HAUS6: variants seen among roughly 807,000 people sequenced by gnomAD.
HAUS6 encodes HAUS augmin-like complex subunit 6.
In HAUS6, 80 loss-of-function variants were observed where a neutral mutation model predicts 106.8. That is an observed-to-expected ratio of 0.75 (90% CI 0.63 to 0.90). The LOEUF is 0.90. Among genes scored for constraint, HAUS6 ranks in the 40% least tolerant of loss-of-function variants. The pLI is 0.00. For missense variants in HAUS6, 1,155 were observed against 1,118.1 expected (o/e 1.03, Z -0.47); for synonymous variants, 356 against 379.1 (o/e 0.94, Z 0.71).
chr9:19,093,635 G>A (rs1016391509), intron 3 of HAUS6, among the ~76,000 whole-genome samples: 7 of 152,156 alleles, frequency 4.6e-5, no homozygotes, highest in South Asian at 4.1e-4. Context: ...TTGGGAGGCC[G>A]AGGCAGACGG....
intron 12 of HAUS6, among the ~76,000 whole-genome samples, chr9:19,069,708 AC>A (rs1225814497): frequency 6.6e-6 from 1 of 152,146 alleles, no homozygotes; most frequent in Admixed American, 6.6e-5. Context: ...TCAAAAAAAA[AC>A]AAAAGGCAAA....
At chr9:19,093,052 G>T (rs1479460185) in intron 4 of HAUS6, 119 bp downstream of exon 4, 2 of 698,722 alleles carry the variant, frequency 2.9e-6, no homozygotes, top group South Asian at 2.2e-5. Flanking sequence ...TCCTTTTTGG[G>T]GTACATTAAT....
chr9:19,089,315 G>A, intron 5 of HAUS6, 97 bp downstream of exon 5: 1 of 760,786 alleles, frequency 1.3e-6, no homozygotes. Flanking sequence ...AACCGCCAAG[G>A]TTTTCAGGTA....
intron 12 of HAUS6, among the ~76,000 whole-genome samples, chr9:19,067,824 T>C (rs1489469274): frequency 2.6e-5 from 4 of 152,004 alleles, no homozygotes; most frequent in Admixed American, 6.6e-5. Flanking sequence ...AAGTAAGTAG[T>C]TGGGATTATA....
intron 1 of HAUS6, among the ~76,000 whole-genome samples, chr9:19,097,225 G>T (rs1817883584): frequency 6.6e-6 from 1 of 152,118 alleles, no homozygotes; most frequent in African/African-American, 2.4e-5. Context: ...AAAAGCAATG[G>T]CAACAAAAGC....
chr9:19,073,952 A>C (rs796341312), intron 11 of HAUS6: 1 of 152,182 alleles, frequency 6.6e-6, no homozygotes, highest in East Asian at 1.9e-4. Flanking sequence ...TTTAAGTTAA[A>C]ATTTAAGAAA....
At chr9:19,056,802 T>G (rs1007853144) in intron 16 of HAUS6, 2 of 163,622 alleles carry the variant, frequency 1.2e-5, no homozygotes, top group African/African-American at 4.8e-5. Context: ...AGTCTCCCTG[T>G]GTTGCTGAGG....
intron 12 of HAUS6, among the ~76,000 whole-genome samples, chr9:19,065,828 C>A (rs1180961348): frequency 6.6e-6 from 1 of 151,900 alleles, no homozygotes; most frequent in African/African-American, 2.4e-5. Context: ...GCAACAGGAA[C>A]GAAACTCCGC....
chr9:19,058,056 T>C lies in HAUS6; in HGVS notation c.2711A>G (p.Lys904Arg). 5.0e-6 allele frequency: 8 copies of C among 1,613,804 alleles called. No individual in the cohort carries two copies. The highest frequency in any genetic ancestry group is 6.8e-6 in the Non-Finnish European group (8 of 1,179,634). ...CTTAATTAGTGGTGAAAGAGACCGTTTTCTTTCACCGATGGACGTGCGTAA... is the reference window on the plus strand; with the variant it reads ...CTTAATTAGTGGTGAAAGAGACCGTCTTCTTTCACCGATGGACGTGCGTAA... The part of the protein sequence containing the change: ...PSLRTSIGER[K>R]RSLSPLIKFS... The change falls in exon 16 of 17, where the codon AAA (lysine) becomes AGA (arginine). Residue 904 changes from lysine (K) to arginine (R), a missense_variant. This residue lies in a region of HAUS6 where 380 missense variants were observed against 394.8 expected (regional missense o/e 0.96). Coordinates refer to ENST00000380502, the MANE Select transcript of HAUS6 (RefSeq NM_017645.5).
At chr9:19,086,415 G>A (rs1326006891) in intron 7 of HAUS6, among the ~76,000 whole-genome samples, 2 of 152,120 alleles carry the variant, frequency 1.3e-5, no homozygotes, top group African/African-American at 4.8e-5. Flanking sequence ...GAGCTCAAGA[G>A]TTCAAGACCA....
In HAUS6 at chr9:19,080,709, T is replaced by C. The variant is rs201141251; in HGVS notation, c.871-37A>G. 232 of 1,198,996 alleles carry C rather than the reference T, an allele frequency of 1.9e-4. 2 individuals are homozygous for C. In the East Asian group the frequency reaches 2.9e-3, roughly 15 times the overall value. The allele number at this position is 1,198,996 out of a possible 1,614,324, so 74.3% of individuals were successfully genotyped here. ...GGAGGAGAAAAAAATTGGTGAACTA[T>C]AGGTTGTTACAACAAACTATTACAT... On this transcript the variant is annotated intron_variant, in intron 8 of 16. Transcript: ENST00000380502.
chr9:19,092,325 G>T (rs1484440261), intron 4 of HAUS6, among the ~76,000 whole-genome samples: 1 of 151,312 alleles, frequency 6.6e-6, no homozygotes, highest in East Asian at 1.9e-4. Flanking sequence ...GGCCTGGTGT[G>T]GTGTCTCATG....
rs35903853 is a variant in HAUS6 at position 19,060,962 on chromosome 9, G to T, written c.1630-739C>A. Reference sequence around the variant, plus strand: ...GGATCACTTCAGGTCAGGAGTTCAAGACCAGCCTGACCAACAACATGGAGA... The same window carrying T: ...GGATCACTTCAGGTCAGGAGTTCAATACCAGCCTGACCAACAACATGGAGA... On this transcript the variant is annotated intron_variant, in intron 14 of 16. Coordinates refer to ENST00000380502, the MANE Select transcript of HAUS6 (RefSeq NM_017645.5). Among the ~76,000 whole-genome samples the T allele has an allele frequency of 8.8e-3, 1,344 of 152,260 alleles. 13 individuals carry two copies. Among genetic ancestry groups the T allele is most frequent in the Admixed American group, 0.017 (267 of 15,302 alleles).
intron 2 of HAUS6, among the ~76,000 whole-genome samples, chr9:19,096,397 T>G (rs1398714104): frequency 6.6e-6 from 1 of 151,848 alleles, no homozygotes; most frequent in Non-Finnish European, 1.5e-5. Context: ...AAACCCCAGC[T>G]CCAATAAAAA....
chr9:19,097,017 T>C (rs890147023), intron 1 of HAUS6, among the ~76,000 whole-genome samples: 5 of 152,172 alleles, frequency 3.3e-5, no homozygotes, highest in Non-Finnish European at 7.4e-5. Context: ...GAAAACACTC[T>C]ACAGAAAAGG....
At chr9:19,094,796 C>T (rs1470857768) in intron 2 of HAUS6, among the ~76,000 whole-genome samples, 1 of 151,920 alleles carries the variant, frequency 6.6e-6, no homozygotes, top group African/African-American at 2.4e-5. Context: ...AAAAAAAAAC[C>T]ATTAAAGTGA....
chr9:19,063,226 T>G, intron 13 of HAUS6, 33 bp from the exon 14 acceptor site: 1 of 1,378,372 alleles, frequency 7.3e-7, no homozygotes, highest in South Asian at 1.3e-5. Context: ...GTTAAACCCT[T>G]AATAATCATG....
At chr9:19,057,819 G>A in intron 16 of HAUS6, 142 bp downstream of exon 16, 1 of 594,010 alleles carries the variant, frequency 1.7e-6, no homozygotes, top group Non-Finnish European at 3.0e-6. Flanking sequence ...GTCCAGTGAG[G>A]GATCATTCCC....
At chr9:19,059,885 A>G (rs891541142) in intron 15 of HAUS6, 12 of 395,320 alleles carry the variant, frequency 3.0e-5, no homozygotes, top group Non-Finnish European at 4.5e-5. Context: ...TCAAAATTTT[A>G]TATCTCTGTA....
Sources: gnomAD v4.1 joint callset for allele counts (sites outside exome capture counted in the v4.1 genomes callset) on GRCh38, gnomAD v4.1.1 for gene constraint, gnomAD v4.1.1 regional missense constraint, MANE v1.5 for transcripts, NCBI Gene and HGNC (gene_info 2026-07-23, HGNC 2026-07-21) for gene names.